The following ARNT2 variants were observed in gnomAD, a reference collection of about 807,000 sequenced individuals.
ARNT2 encodes the protein aryl hydrocarbon receptor nuclear translocator 2.
A neutral mutation model predicts 91.7 loss-of-function variants in ARNT2; 36 were observed. The ratio of observed to expected loss-of-function variants is 0.39; its 90% CI spans 0.30 to 0.52. The LOEUF is 0.52. Among genes scored for constraint, ARNT2 ranks in the 20% least tolerant of loss-of-function variants. The probability of loss-of-function intolerance (pLI) is 0.72; values close to 1 mark genes in which losing one functional copy is unlikely to be tolerated. For synonymous variants in ARNT2, 365 were observed against 347.1 expected (o/e 1.05, Z -0.57); for missense variants, 775 against 939.3 (o/e 0.83, Z 2.29).
At chr15:80,450,805 C>G in intron 1 of ARNT2, 75 bp from the exon 2 acceptor site, 1 of 1,433,876 alleles carries the variant, frequency 7.0e-7, no homozygotes, top group Non-Finnish European at 9.8e-7. Context: ...GCTTCTGGTA[C>G]CGTATCACAA....
rs745512981 is a variant in ARNT2 at position 80,591,573 on chromosome 15, A to G, written c.1924A>G (p.Ser642Gly). The G allele has an allele frequency of 6.2e-7, 1 of 1,614,176 alleles. No homozygotes were observed. The highest frequency in any genetic ancestry group is 8.5e-7 in the Non-Finnish European group (1 of 1,180,026). Residue 642 changes from serine (S) to glycine (G), a missense_variant, in exon 18 of 19, where the codon AGT (serine) becomes GGT (glycine). Transcript: ENST00000303329. The surrounding 1 kb of genome is among the most constrained non-coding windows in gnomAD (Gnocchi z 5.1). ...CTGTGTGTCGAATCTTTCAGCTGAA[A>G]GTGGACAAAGTAGCGGGCAGTTCCA... is the stretch of plus-strand genomic sequence containing the variant. ...LANRTPGFAESGQSSGQFQGR... is the reference protein window; with the variant it reads ...LANRTPGFAEGGQSSGQFQGR...
intron 1 of ARNT2, among the ~76,000 whole-genome samples, chr15:80,408,966 G>T (rs1179375831): frequency 6.6e-6 from 1 of 152,140 alleles, no homozygotes; most frequent in Non-Finnish European, 1.5e-5. Flanking sequence ...GGAAGGCACA[G>T]AGATTCCTCA....
intron 1 of ARNT2, chr15:80,443,026 G>A: frequency 2.0e-6 from 2 of 985,270 alleles, no homozygotes; most frequent in Admixed American, 6.1e-5. Flanking sequence ...AGAAGTCCAG[G>A]TACAGTAAGA....
At chr15:80,495,460 G>A (rs79890499) in intron 5 of ARNT2, among the ~76,000 whole-genome samples, 2,455 of 152,274 alleles carry the variant, frequency 0.016, 65 homozygotes, top group African/African-American at 0.056. Context: ...ATTGATATTC[G>A]TATATTTAAA....
chr15:80,500,065 C>T (rs145682164), intron 5 of ARNT2, among the ~76,000 whole-genome samples: 1 of 152,288 alleles, frequency 6.6e-6, no homozygotes, highest in East Asian at 1.9e-4. Flanking sequence ...AATGCACCCA[C>T]CTTTAGTAGT....
intron 5 of ARNT2, among the ~76,000 whole-genome samples, chr15:80,480,404 G>T (rs1009717605): frequency 5.3e-5 from 8 of 152,134 alleles, no homozygotes; most frequent in Non-Finnish European, 1.0e-4. Flanking sequence ...CCTTTCCCAG[G>T]TTCCCTCCTG....
At chr15:80,546,619 G>A (rs2141453046) in intron 8 of ARNT2, among the ~76,000 whole-genome samples, 1 of 152,324 alleles carries the variant, frequency 6.6e-6, no homozygotes, top group South Asian at 2.1e-4. Flanking sequence ...GAACTGCAAA[G>A]GAACATCTCG....
At chr15:80,414,374 G>A (rs1236179466) in intron 1 of ARNT2, among the ~76,000 whole-genome samples, 1 of 152,156 alleles carries the variant, frequency 6.6e-6, no homozygotes, top group Non-Finnish European at 1.5e-5. Context: ...AGAAACTCTG[G>A]TCTATGGGAA....
Position 80,591,856 on chromosome 15 carries a change from C to G in ARNT2, c.2055+152C>G. 1.6e-6 allele frequency: 2 copies of G among 1,264,176 alleles called. No homozygotes were observed. The highest frequency in any genetic ancestry group is 1.1e-6 in the Non-Finnish European group (1 of 932,864). The allele number at this position is 1,264,176 out of a possible 1,614,324, so 78.3% of individuals were successfully genotyped here. On this transcript the variant is annotated intron_variant, in intron 18 of 18. Coordinates refer to ENST00000303329, the MANE Select transcript of ARNT2 (RefSeq NM_014862.4). The surrounding 1 kb of genome is among the most constrained non-coding windows in gnomAD (Gnocchi z 5.1). ...GAGGGAGTCCAGGAGTAGAAAGCCC[C>G]ATCCTACCCAGCCAGAAACGTCAGG... is the stretch of plus-strand genomic sequence containing the variant.
intron 9 of ARNT2, among the ~76,000 whole-genome samples, chr15:80,551,606 A>T (rs1381345052): frequency 6.6e-6 from 1 of 152,144 alleles, no homozygotes; most frequent in Admixed American, 6.5e-5. Flanking sequence ...GTCCAAGCTC[A>T]TCATTACAAC....
intron 3 of ARNT2, among the ~76,000 whole-genome samples, chr15:80,468,930 G>T (rs890079363): frequency 6.6e-6 from 1 of 152,150 alleles, no homozygotes; most frequent in African/African-American, 2.4e-5. Flanking sequence ...CGTGCTACTT[G>T]GTGTCATCAG....
intron 5 of ARNT2, among the ~76,000 whole-genome samples, chr15:80,487,403 G>T (rs113082303): frequency 2.0e-5 from 3 of 152,212 alleles, no homozygotes; most frequent in Non-Finnish European, 4.4e-5. Flanking sequence ...GATGGGGCGC[G>T]TGGAGGGGTC....
intron 5 of ARNT2, among the ~76,000 whole-genome samples, chr15:80,484,269 T>C (rs1896932327): frequency 6.6e-6 from 1 of 152,032 alleles, no homozygotes; most frequent in African/African-American, 2.4e-5. Context: ...AAATAAAGCA[T>C]TTTTATGGCA....
At chr15:80,579,096 C>T (rs921555740) in intron 15 of ARNT2, among the ~76,000 whole-genome samples, 4 of 152,198 alleles carry the variant, frequency 2.6e-5, no homozygotes, top group East Asian at 3.9e-4. Context: ...CAAGGGCTGG[C>T]GCTTTGCCCC....
chr15:80,481,093 G>T (rs1277988321), intron 5 of ARNT2, among the ~76,000 whole-genome samples: 1 of 151,138 alleles, frequency 6.6e-6, no homozygotes, highest in African/African-American at 2.4e-5. Context: ...GATCTGGCTG[G>T]AAAGTTCCTG....
Position 80,591,694 on chromosome 15 carries a change from A to G in ARNT2, c.2045A>G (p.Glu682Gly). ...TCCCACCAGCAGCCCGGTCAGACTG[A>G]AGTGTTCCAGGTAAATCGAGCGAGC... ...QHSHQQPGQT[E>G]VFQDMLPMPG... The change falls in exon 18 of 19, where the codon GAA (glutamate) becomes GGA (glycine). Residue 682 changes from glutamate to glycine, a missense_variant. Coordinates refer to ENST00000303329, the MANE Select transcript of ARNT2 (RefSeq NM_014862.4). The surrounding 1 kb of genome is among the most constrained non-coding windows in gnomAD (Gnocchi z 5.1). 1 of 1,613,984 alleles carries G rather than the reference A, an allele frequency of 6.2e-7. No homozygotes were observed. The highest frequency in any genetic ancestry group is 8.5e-7 in the Non-Finnish European group (1 of 1,179,908).
At chr15:80,522,820 G>GTGTGTGTGTATA (rs548555538) in intron 8 of ARNT2, among the ~76,000 whole-genome samples, 60 of 135,756 alleles carry the variant, frequency 4.4e-4, no homozygotes, top group Non-Finnish European at 8.6e-4. Flanking sequence ...GTGTGTGTGT[G>GTGTGTGTGTATA]TATATATATA....
intron 8 of ARNT2, among the ~76,000 whole-genome samples, chr15:80,519,279 C>T (rs1897494589): frequency 6.6e-6 from 1 of 151,686 alleles, no homozygotes; most frequent in Admixed American, 6.6e-5. Context: ...TTGAGGGCTT[C>T]GATATTTAAA....
chr15:80,569,938 C>T (rs1296872466), intron 12 of ARNT2, among the ~76,000 whole-genome samples: 2 of 152,242 alleles, frequency 1.3e-5, no homozygotes, highest in African/African-American at 4.8e-5. Context: ...GAGAATGGTT[C>T]ATGGATTGCT....
Sources: gnomAD v4.1 joint callset for allele counts (sites outside exome capture counted in the v4.1 genomes callset) on GRCh38, gnomAD v4.1.1 for gene constraint, Gnocchi (gnomAD v3.1) non-coding constraint, MANE v1.5 for transcripts, NCBI Gene and HGNC (gene_info 2026-07-23, HGNC 2026-07-21) for gene names.